DSCAML1: variants seen among roughly 807,000 people sequenced by gnomAD.
DSCAML1 encodes the protein DS cell adhesion molecule like 1, also known as cell adhesion molecule DSCAML1.
Under a neutral mutation model 200.5 loss-of-function variants are expected in DSCAML1, and 38 were observed. The observed-to-expected ratio is 0.19, with a 90% CI of 0.15 to 0.25. The LOEUF is 0.25. Ranked by LOEUF, DSCAML1 falls within the 10% of genes least tolerant of loss-of-function variation. The pLI is 1.00. For missense variants in DSCAML1, 2,223 were observed against 2,858.8 expected (o/e 0.78, Z 5.07); for synonymous variants, 1,215 against 1,165.0 (o/e 1.04, Z -0.87).
intron 3 of DSCAML1, among the ~76,000 whole-genome samples, chr11:117,750,511 C>T (rs994380380): frequency 6.6e-6 from 1 of 152,206 alleles, no homozygotes; most frequent in Non-Finnish European, 1.5e-5. Context: ...GGATAAACAA[C>T]ACCCAGTGAA....
chr11:117,433,313 G>C (rs1376308978), intron 28 of DSCAML1, 57 bp from the exon 29 acceptor site: 4 of 1,569,190 alleles, frequency 2.5e-6, no homozygotes, highest in Non-Finnish European at 3.5e-6. Flanking sequence ...TTGGGGAAGG[G>C]GGCTCTGCAG....
rs1592673634 is a variant in DSCAML1, at chr11:117,503,815, T to C, written c.2359+30A>G. The C allele has an allele frequency of 2.5e-6, 4 of 1,600,324 alleles. No homozygotes were observed. Among genetic ancestry groups the C allele is most frequent in the Non-Finnish European group, 3.4e-6 (4 of 1,173,104 alleles). On this transcript the variant is annotated intron_variant, in intron 11 of 32. Transcript: ENST00000651296. This position sits in a 1 kb window ranked among gnomAD's most constrained non-coding sequence, Gnocchi z 5.2. ...CCGGGGCTTGGCTGTGATTTGGGGG[T>C]GCTAGGGGGCGTGTGGGGACAGGAC...
chr11:117,717,079 T>C (rs901205615), intron 3 of DSCAML1, among the ~76,000 whole-genome samples: 2 of 152,326 alleles, frequency 1.3e-5, no homozygotes, highest in East Asian at 3.9e-4. Context: ...TAGAGACTTC[T>C]AGGGGGAAGA....
intron 3 of DSCAML1, among the ~76,000 whole-genome samples, chr11:117,627,059 C>A (rs1388348773): frequency 6.6e-6 from 1 of 152,088 alleles, no homozygotes; most frequent in Non-Finnish European, 1.5e-5. Context: ...TGGTAAATAA[C>A]CTCGAATGGT....
intron 3 of DSCAML1, among the ~76,000 whole-genome samples, chr11:117,547,045 AAG>A (rs1013511441): frequency 6.6e-6 from 1 of 152,170 alleles, no homozygotes; most frequent in African/African-American, 2.4e-5. Context: ...AGATGAAAAA[AAG>A]AGAGGCGAGG....
Position 117,547,287 on chromosome 11 carries a change from G to A in DSCAML1, c.512-14765C>T, listed in dbSNP as rs73589089. On this transcript the variant is annotated intron_variant, in intron 3 of 32. Coordinates refer to ENST00000651296, the MANE Select transcript of DSCAML1 (RefSeq NM_020693.4). The stretch of plus-strand genomic sequence containing the variant: ...CTCACTCCATGTGTCAGATGCTCAC[G>A]GTATAATAGAAATCACTGTTATTAC... Among the ~76,000 whole-genome samples the A allele has an allele frequency of 3.3e-3, 498 of 152,240 alleles. 8 individuals carry two copies. Among genetic ancestry groups the A allele is most frequent in the African/African-American group, 0.011 (476 of 41,538 alleles).
At chr11:117,501,441 G>A (rs1444747839) in intron 11 of DSCAML1, among the ~76,000 whole-genome samples, 6 of 152,154 alleles carry the variant, frequency 3.9e-5, no homozygotes, top group African/African-American at 1.4e-4. Context: ...AAGACAGTCA[G>A]CTCCTCCAAC....
intron 3 of DSCAML1, among the ~76,000 whole-genome samples, chr11:117,672,630 C>T (rs1205323369): frequency 6.6e-6 from 1 of 152,198 alleles, no homozygotes; most frequent in East Asian, 1.9e-4. Flanking sequence ...GAGTGGGCAA[C>T]ACACATGGCA....
intron 3 of DSCAML1, among the ~76,000 whole-genome samples, chr11:117,722,549 G>C (rs140568823): frequency 2.6e-3 from 396 of 152,202 alleles, no homozygotes; most frequent in African/African-American, 8.9e-3. Flanking sequence ...CCAACACAAA[G>C]AAATGATAAA....
At chr11:117,450,829 G>A in intron 19 of DSCAML1, 141 bp from the exon 20 acceptor site, 1 of 954,324 alleles carries the variant, frequency 1.0e-6, no homozygotes, top group Non-Finnish European at 1.5e-6. Context: ...TTTAGAAGGG[G>A]AGGGTCCATC....
At chr11:117,559,112 GAAAA>G (rs1288395302) in intron 3 of DSCAML1, among the ~76,000 whole-genome samples, 1 of 137,532 alleles carries the variant, frequency 7.3e-6, no homozygotes, top group Admixed American at 7.2e-5. Context: ...GGGAAAAAAA[GAAAA>G]AGAAAGACAG....
intron 11 of DSCAML1, among the ~76,000 whole-genome samples, chr11:117,487,585 C>T (rs557491525): frequency 8.5e-5 from 13 of 152,258 alleles, no homozygotes; most frequent in South Asian, 8.3e-4. Flanking sequence ...ACTGGGAATG[C>T]GATTTCTCAG....
At chr11:117,715,845 T>A (rs1784338303) in intron 3 of DSCAML1, among the ~76,000 whole-genome samples, 2 of 152,132 alleles carry the variant, frequency 1.3e-5, no homozygotes, top group Non-Finnish European at 2.9e-5. Flanking sequence ...GTCGGTGTGG[T>A]TTAACCATAT....
Position 117,582,552 on chromosome 11 carries a change from A to G in DSCAML1, c.512-50030T>C, listed in dbSNP as rs180780471. 2.4e-3 allele frequency among the ~76,000 whole-genome samples: 373 copies of G among 152,368 alleles called. 1 individual carries two copies. The highest frequency in any genetic ancestry group is 4.3e-3 in the Non-Finnish European group (290 of 68,036). On this transcript the variant is annotated intron_variant, in intron 3 of 32. Coordinates refer to ENST00000651296, the MANE Select transcript of DSCAML1 (RefSeq NM_020693.4). ...TAAATAAATTAAATGCTTATGCCTA[A>G]GGATGCCTGGGTAAGCATGGGGGAG...
chr11:117,562,781 G>A (rs181420793), intron 3 of DSCAML1, among the ~76,000 whole-genome samples: 22 of 152,212 alleles, frequency 1.4e-4, no homozygotes, highest in Admixed American at 7.2e-4. Context: ...GCCCAGGCTG[G>A]AATGCAGTGG....
At chr11:117,532,583 G>C in intron 3 of DSCAML1, 61 bp from the exon 4 acceptor site, 2 of 1,523,254 alleles carry the variant, frequency 1.3e-6, no homozygotes, top group Non-Finnish European at 1.8e-6. Context: ...TCAGAGGCAG[G>C]GTAGCGTCTC....
At chr11:117,568,723 A>T (rs940141862) in intron 3 of DSCAML1, among the ~76,000 whole-genome samples, 2 of 152,220 alleles carry the variant, frequency 1.3e-5, no homozygotes, top group African/African-American at 2.4e-5. Context: ...ATAAAAGAGG[A>T]TACAAACAAA....
At chr11:117,799,255 G>C (rs931606283), upstream of DSCAML1, among the ~76,000 whole-genome samples, 2 of 152,194 alleles carry the variant, frequency 1.3e-5, no homozygotes, top group African/African-American at 4.8e-5. Context: ...TTGACCCAGA[G>C]CACCTGGTCA....
chr11:117,711,620 G>A (rs1400100860), intron 3 of DSCAML1, among the ~76,000 whole-genome samples: 1 of 152,190 alleles, frequency 6.6e-6, no homozygotes, highest in African/African-American at 2.4e-5. Context: ...CACTCATGGT[G>A]TGCTGAAACT....
Sources: gnomAD v4.1 joint callset for allele counts (sites outside exome capture counted in the v4.1 genomes callset) on GRCh38, gnomAD v4.1.1 for gene constraint, Gnocchi (gnomAD v3.1) non-coding constraint, MANE v1.5 for transcripts, NCBI Gene and HGNC (gene_info 2026-07-23, HGNC 2026-07-21) for gene names.